SREK1: variants seen among roughly 807,000 people sequenced by gnomAD.
SREK1 encodes splicing regulatory glutamine/lysine-rich protein 1.
Under a neutral mutation model 66.5 loss-of-function variants are expected in SREK1, and 13 were observed. The observed-to-expected ratio is 0.20, with a 90% confidence interval of 0.13 to 0.31. SREK1 has a LOEUF of 0.31. Ranked by LOEUF, SREK1 falls within the 10% of genes least tolerant of loss-of-function variation. The probability of loss-of-function intolerance (pLI) is 1.00; values close to 1 mark genes in which losing one functional copy is unlikely to be tolerated. For missense variants in SREK1, 607 were observed against 769.6 expected, an observed-to-expected ratio of 0.79 and a Z score of 2.50; for synonymous variants, 265 against 263.5, an observed-to-expected ratio of 1.01 and a Z score of -0.05.
At chr5:66,150,731 T>C (rs1743713180) in intron 1 of SREK1, among the ~76,000 whole-genome samples, 1 of 152,204 alleles carries the variant, frequency 6.6e-6, no homozygotes, top group Non-Finnish European at 1.5e-5. Context: ...TACAAGGTAC[T>C]CTAAGCAGGA....
At chr5:66,144,640 C>T in intron 1 of SREK1, 103 bp downstream of exon 1, 2 of 1,435,422 alleles carry the variant, frequency 1.4e-6, no homozygotes, top group Non-Finnish European at 1.8e-6. Context: ...GTGCATGTCA[C>T]GTGATCGCGC....
chr5:66,177,343 G>A (rs1746142325), intron 10 of SREK1, 171 bp from the exon 11 acceptor site: 1 of 525,492 alleles, frequency 1.9e-6, no homozygotes, highest in South Asian at 3.0e-5. Flanking sequence ...TAAGGGTGGG[G>A]TAGGTCAGGT....
intron 10 of SREK1, among the ~76,000 whole-genome samples, chr5:66,176,739 T>C (rs755969188): frequency 1.3e-5 from 2 of 152,132 alleles, no homozygotes; most frequent in Non-Finnish European, 2.9e-5. Context: ...TTTGTTGTTG[T>C]TGCTGTTGGA....
chr5:66,157,895 G>A (rs1744424175), intron 2 of SREK1: 1 of 210,544 alleles, frequency 4.7e-6, no homozygotes, highest in Admixed American at 6.5e-5. Flanking sequence ...ATTGTTTAGG[G>A]ATTTATCTCT....
In SREK1 at chr5:66,170,826, A is replaced by G; in HGVS notation, c.1363A>G (p.Lys455Glu). The change falls in exon 9 of 12, where the codon AAA becomes GAA. Residue 455 changes from lysine to glutamate, a missense_variant. By Grantham distance (56) the Lys-to-Glu change is moderately conservative. Around this residue, in one of 5 missense-constraint regions of SREK1, gnomAD observed 318 missense variants for 310.3 expected, o/e 1.02. Coordinates refer to ENST00000334121, the MANE Select transcript of SREK1 (RefSeq NM_001077199.3). ...CAAAGAGAAGGAAAAGGAACAGGAC[A>G]AAGAAAAGGAACGAGAAAAAGACAG... ...RDKEKEKEQD[K>E]EKEREKDRSK... The G allele has an allele frequency of 1.9e-6, 3 of 1,613,732 alleles. No homozygotes were observed. Among genetic ancestry groups the G allele is most frequent in the Non-Finnish European group, 1.7e-6 (2 of 1,179,802 alleles).
rs1746310334 is a variant in SREK1 at position 66,179,179 on chromosome 5, A to T, written c.*311A>T. The T allele has an allele frequency of 5.3e-6, 1 of 188,254 alleles. No homozygotes were observed. The highest frequency in any genetic ancestry group is 2.3e-5 in the African/African-American group (1 of 42,854). 11.7% of individuals were successfully genotyped at this position (188,254 alleles called of 1,614,324 possible). ...ATTGCAAATAAATTGAACATCAAAGATCCAAGTTTGTACTATCCCTAAAGA... is the reference window on the plus strand; with the variant it reads ...ATTGCAAATAAATTGAACATCAAAGTTCCAAGTTTGTACTATCCCTAAAGA... On this transcript the variant is annotated 3_prime_UTR_variant, in exon 12 of 12. Coordinates refer to ENST00000334121, the MANE Select transcript of SREK1 (RefSeq NM_001077199.3).
chr5:66,174,132 A>ATCATTGGGT (rs2067282), intron 9 of SREK1, among the ~76,000 whole-genome samples: 12,269 of 151,974 alleles, frequency 0.081, 611 homozygotes, highest in East Asian at 0.27. Flanking sequence ...TGTGAGATAG[A>ATCATTGGGT]TCATTGGGTA....
At chr5:66,156,699 G>T (rs1410231847) in intron 2 of SREK1, 32 of 984,928 alleles carry the variant, frequency 3.2e-5, no homozygotes, top group Non-Finnish European at 3.9e-5. Flanking sequence ...AACAATCTGG[G>T]AGTAAAGAAG....
chr5:66,152,178 T>G (rs1180844130), intron 1 of SREK1, among the ~76,000 whole-genome samples: 2 of 152,186 alleles, frequency 1.3e-5, no homozygotes, highest in Non-Finnish European at 2.9e-5. Context: ...CAACTTTAAT[T>G]AGCCTTACTA....
chr5:66,179,071 C>A lies in SREK1; in HGVS notation c.*203C>A. On this transcript the variant is annotated 3_prime_UTR_variant, in exon 12 of 12. Transcript: ENST00000334121. ...GACATCATGAAAATAACAGATGTTA[C>A]CCAAACTCATCTTCTAAAATCTGTG... The A allele has an allele frequency of 2.3e-6, 1 of 443,230 alleles. No individual in the cohort carries two copies. The highest frequency in any genetic ancestry group is 3.8e-6 in the Non-Finnish European group (1 of 265,378). 27.5% of individuals were successfully genotyped at this position (443,230 alleles called of 1,614,324 possible). A position where few individuals can be genotyped will look rare whatever the true frequency, so the allele number is the denominator to read the frequency against.
At chr5:66,147,045 C>A (rs1029900356) in intron 1 of SREK1, among the ~76,000 whole-genome samples, 1 of 151,902 alleles carries the variant, frequency 6.6e-6, no homozygotes, top group Non-Finnish European at 1.5e-5. Context: ...ATATTGAGAC[C>A]CCTATCTCTT....
intron 2 of SREK1, chr5:66,157,745 G>A (rs1035743313): frequency 2.2e-6 from 2 of 917,142 alleles, no homozygotes; most frequent in Non-Finnish European, 2.6e-6. Flanking sequence ...AAGTAATAAA[G>A]TAATATAAAC....
chr5:66,175,131 T>C lies in SREK1; in HGVS notation c.1580+90T>C, dbSNP rs977740414. ...ATTTCTCTCTTTATTTTTTAAACTT[T>C]ATATTTTGAATGAATAATACATATG... On this transcript the variant is annotated intron_variant, in intron 10 of 11. Transcript: ENST00000334121. The C allele has an allele frequency of 3.2e-5, 35 of 1,099,670 alleles. No homozygotes were observed. The African/African-American group carries it at 4.0e-4, about 13-fold the overall frequency. 68.1% of individuals were successfully genotyped at this position (1,099,670 alleles called of 1,614,324 possible).
At position 66,182,789 on chromosome 5, in the gene SREK1, A is replaced by G. The variant is rs1746599743; in HGVS notation, c.*3921A>G. ...TGCCATGTTGCCTAGACTGGTCTCA[A>G]ACTCCTGGGCTCAAACAATCTGTCT... On this transcript the variant is annotated 3_prime_UTR_variant, in exon 12 of 12. Coordinates refer to ENST00000334121, the MANE Select transcript of SREK1 (RefSeq NM_001077199.3). 1 of 152,130 alleles carries G rather than the reference A, an allele frequency of 6.6e-6. No individual in the cohort carries two copies. 9.4% of individuals were successfully genotyped at this position (152,130 alleles called of 1,614,324 possible).
intron 8 of SREK1, 67 bp from the exon 9 acceptor site, chr5:66,170,518 G>A (rs574446089): frequency 8.0e-5 from 121 of 1,515,242 alleles, no homozygotes; most frequent in Non-Finnish European, 9.8e-5. Flanking sequence ...TTGTTGAAGA[G>A]AGAGAGGTCT....
At chr5:66,161,359 G>C (rs1744749345) in intron 3 of SREK1, among the ~76,000 whole-genome samples, 1 of 152,198 alleles carries the variant, frequency 6.6e-6, no homozygotes, top group Admixed American at 6.5e-5. Flanking sequence ...CATACACAGA[G>C]TGGTGAAAAA....
chr5:66,157,255 A>G (rs1744363381), intron 2 of SREK1: 1 of 985,172 alleles, frequency 1.0e-6, no homozygotes, highest in Admixed American at 6.2e-5. Flanking sequence ...ACTTAAGCTG[A>G]AAGTGAAAGA....
intron 10 of SREK1, 23 bp from the exon 11 acceptor site, chr5:66,177,491 C>T: frequency 6.6e-7 from 1 of 1,519,924 alleles, no homozygotes; most frequent in South Asian, 1.2e-5. Context: ...TAGAATTTAA[C>T]TGACATATCA....
intron 10 of SREK1, among the ~76,000 whole-genome samples, chr5:66,176,957 A>T (rs1746103590): frequency 6.6e-6 from 1 of 152,042 alleles, no homozygotes; most frequent in Non-Finnish European, 1.5e-5. Context: ...CGGAAGGCTT[A>T]GGATACTATA....
Sources: gnomAD v4.1 joint callset for allele counts (sites outside exome capture counted in the v4.1 genomes callset) on GRCh38, gnomAD v4.1.1 for gene constraint, gnomAD v4.1.1 regional missense constraint, MANE v1.5 for transcripts, NCBI Gene and HGNC (gene_info 2026-07-23, HGNC 2026-07-21) for gene names.